The following FBXL17 variants were observed in gnomAD, a reference collection of about 807,000 sequenced individuals.
The protein encoded by FBXL17 is F-box/LRR-repeat protein 17.
FBXL17 carries 22 observed loss-of-function variants against 66.2 expected under a neutral mutation model. The ratio of observed to expected loss-of-function variants is 0.33; its 90% CI spans 0.24 to 0.47. The LOEUF (loss-of-function observed/expected upper bound fraction) is 0.47, where lower values mean the gene tolerates loss of function less well. FBXL17 is among the 20% of genes least tolerant of loss of function. FBXL17 has a pLI of 1.00. For missense variants in FBXL17, 878 were observed against 948.2 expected, an observed-to-expected ratio of 0.93 and a Z score of 0.97; for synonymous variants, 474 against 400.5, an observed-to-expected ratio of 1.18 and a Z score of -2.19.
intron 6 of FBXL17, among the ~76,000 whole-genome samples, chr5:108,116,293 T>C (rs1450303093): frequency 2.6e-5 from 4 of 152,006 alleles, no homozygotes; most frequent in Non-Finnish European, 1.5e-5. Flanking sequence ...GAGGTTAATA[T>C]GCAATCCATG....
intron 4 of FBXL17, among the ~76,000 whole-genome samples, chr5:108,295,416 C>A (rs1758305530): frequency 6.6e-6 from 1 of 151,748 alleles, no homozygotes; most frequent in Non-Finnish European, 1.5e-5. Context: ...AACATAAATA[C>A]TGTTATAATC....
chr5:107,930,579 T>C (rs1355178772), intron 7 of FBXL17, among the ~76,000 whole-genome samples: 1 of 152,236 alleles, frequency 6.6e-6, no homozygotes, highest in Non-Finnish European at 1.5e-5. Flanking sequence ...GAAGAAATGA[T>C]TATGTGTGCT....
At position 107,929,683 on chromosome 5, in the gene FBXL17, C is replaced by T. The variant is rs534499949; in HGVS notation, c.1823-48504G>A. Among the ~76,000 whole-genome samples, 154 of 151,904 alleles carry T rather than the reference C, an allele frequency of 1.0e-3. 1 individual carries two copies. The highest frequency in any genetic ancestry group is 1.8e-3 in the Non-Finnish European group (125 of 67,926). On this transcript the variant is annotated intron_variant, in intron 7 of 8. Coordinates refer to ENST00000542267, the MANE Select transcript of FBXL17 (RefSeq NM_001163315.3). ...TTCCAAGAAATATCTGCTGATGTAT[C>T]CAGAGGACCCCATAATGTGTTAGAT...
intron 7 of FBXL17, among the ~76,000 whole-genome samples, chr5:107,884,535 T>A (rs142789084): frequency 1.3e-5 from 2 of 152,204 alleles, no homozygotes; most frequent in East Asian, 3.9e-4. Context: ...GTACCCTATG[T>A]CCAAGAGGCC....
intron 4 of FBXL17, among the ~76,000 whole-genome samples, chr5:108,304,759 T>C (rs1758759752): frequency 6.6e-6 from 1 of 151,962 alleles, no homozygotes; most frequent in Non-Finnish European, 1.5e-5. Flanking sequence ...ATTTCTACCC[T>C]CATAATCAAT....
intron 7 of FBXL17, among the ~76,000 whole-genome samples, chr5:107,907,244 G>A (rs1414950422): frequency 1.3e-5 from 2 of 152,128 alleles, no homozygotes; most frequent in African/African-American, 4.8e-5. Flanking sequence ...CTCAAAAGAC[G>A]ACTAATTTGA....
intron 6 of FBXL17, among the ~76,000 whole-genome samples, chr5:108,172,530 T>A (rs1347926588): frequency 6.6e-6 from 1 of 152,196 alleles, no homozygotes; most frequent in Non-Finnish European, 1.5e-5. Context: ...GTACCTATAT[T>A]TTCAACTACA....
At chr5:107,953,325 C>A (rs894197864) in intron 7 of FBXL17, among the ~76,000 whole-genome samples, 6 of 150,380 alleles carry the variant, frequency 4.0e-5, no homozygotes, top group Non-Finnish European at 8.9e-5. Flanking sequence ...ATGGCGTGAA[C>A]CCAGGAAGTG....
chr5:108,120,703 T>C (rs1361488785), intron 6 of FBXL17, among the ~76,000 whole-genome samples: 2 of 152,072 alleles, frequency 1.3e-5, no homozygotes, highest in African/African-American at 4.8e-5. Flanking sequence ...CCTGGTGGCA[T>C]GTGCCTGTAG....
At chr5:108,133,828 T>G (rs943015349) in intron 6 of FBXL17, among the ~76,000 whole-genome samples, 2 of 151,778 alleles carry the variant, frequency 1.3e-5, no homozygotes, top group African/African-American at 4.9e-5. Context: ...TCCCATTTCC[T>G]TGTCTGTAAA....
intron 6 of FBXL17, among the ~76,000 whole-genome samples, chr5:108,083,218 AAC>A (rs756726228): frequency 0.024 from 3,491 of 144,428 alleles, 128 homozygotes; most frequent in African/African-American, 0.08. Context: ...CTCACCTCAG[AAC>A]ACACACACAC....
rs144781405 is a variant in FBXL17, at chr5:108,214,852, G to A, written c.1614+9269C>T. ...AATGGTTTTTAGTACATTGAGTGAC[G>A]TGTGCAACCATCACCAATATCTAAT... On this transcript the variant is annotated intron_variant, in intron 5 of 8. Coordinates refer to ENST00000542267, the MANE Select transcript of FBXL17 (RefSeq NM_001163315.3). Among the ~76,000 whole-genome samples the A allele has an allele frequency of 2.8e-3, 421 of 152,210 alleles. 4 individuals carry two copies. The highest frequency in any genetic ancestry group is 9.6e-3 in the African/African-American group (400 of 41,526).
chr5:107,933,891 TC>T, intron 7 of FBXL17, among the ~76,000 whole-genome samples: 1 of 152,116 alleles, frequency 6.6e-6, no homozygotes, highest in East Asian at 1.9e-4. Flanking sequence ...TGAACTCATA[TC>T]CCCCATGATC....
chr5:108,248,185 C>A (rs761590605), intron 4 of FBXL17, among the ~76,000 whole-genome samples: 1 of 152,078 alleles, frequency 6.6e-6, no homozygotes, highest in Non-Finnish European at 1.5e-5. Context: ...AATCAACCAT[C>A]ATAAAAATGC....
At chr5:107,891,465 G>A (rs974374250) in intron 7 of FBXL17, among the ~76,000 whole-genome samples, 4 of 152,156 alleles carry the variant, frequency 2.6e-5, no homozygotes, top group African/African-American at 9.7e-5. Context: ...AACAGAAGCA[G>A]GAAGACCAAT....
chr5:107,898,203 G>A (rs2112527699), intron 7 of FBXL17, among the ~76,000 whole-genome samples: 1 of 152,182 alleles, frequency 6.6e-6, no homozygotes, highest in Admixed American at 6.6e-5. Context: ...AGTGGGCACT[G>A]AAACTAAAGC....
At chr5:108,074,463 A>G (rs1435159039) in intron 6 of FBXL17, among the ~76,000 whole-genome samples, 2 of 151,948 alleles carry the variant, frequency 1.3e-5, no homozygotes, top group African/African-American at 2.4e-5. Flanking sequence ...CCCAAATAAC[A>G]TTTTTAAAAT....
At chr5:108,243,954 T>A (rs543106409) in intron 4 of FBXL17, among the ~76,000 whole-genome samples, 5 of 152,160 alleles carry the variant, frequency 3.3e-5, no homozygotes, top group African/African-American at 1.2e-4. Context: ...AGCTAGTTAG[T>A]ATTTCAAAAG....
At chr5:108,282,533 T>C (rs978311266) in intron 4 of FBXL17, among the ~76,000 whole-genome samples, 1 of 151,778 alleles carries the variant, frequency 6.6e-6, no homozygotes, top group African/African-American at 2.4e-5. Flanking sequence ...ATAAAGGCTA[T>C]ATACGACAAA....
Sources: allele counts gnomAD v4.1 joint callset (sites outside exome capture counted in the v4.1 genomes callset), GRCh38; gene constraint gnomAD v4.1.1; transcripts MANE v1.5; gene names NCBI Gene and HGNC (gene_info 2026-07-23, HGNC 2026-07-21).